Variants in AP4E1 observed in about 807,000 individuals in gnomAD.
AP4E1 encodes adaptor related protein complex 4 subunit epsilon 1, also known as AP-4 complex subunit epsilon-1.
A neutral mutation model predicts 128.2 loss-of-function variants in AP4E1; 56 were observed. The ratio of observed to expected loss-of-function variants is 0.44; its 90% confidence interval spans 0.35 to 0.55. The LOEUF (loss-of-function observed/expected upper bound fraction) is 0.55, where lower values mean the gene tolerates loss of function less well. AP4E1 is among the 20% of genes least tolerant of loss of function. AP4E1 has a pLI of 0.00. For missense variants in AP4E1, 1,324 were observed against 1,307.7 expected (o/e 1.01, Z -0.19); for synonymous variants, 484 against 473.1 (o/e 1.02, Z -0.30).
At chr15:50,949,739 T>C in intron 11 of AP4E1, 87 bp from the exon 12 acceptor site, 2 of 1,018,440 alleles carry the variant, frequency 2.0e-6, no homozygotes, top group Admixed American at 3.5e-5. Context: ...TAGGATGAAT[T>C]GGGGTTATTT....
At chr15:50,951,788 G>A (rs1000163439) in intron 13 of AP4E1, among the ~76,000 whole-genome samples, 2 of 144,576 alleles carry the variant, frequency 1.4e-5, no homozygotes, top group African/African-American at 2.6e-5. Flanking sequence ...GTGCAGTGGC[G>A]TGAACTCAGC....
chr15:50,957,067 C>T (rs1298088368), intron 13 of AP4E1, among the ~76,000 whole-genome samples: 1 of 152,184 alleles, frequency 6.6e-6, no homozygotes, highest in African/African-American at 2.4e-5. Flanking sequence ...TGTTACAGTG[C>T]TCTTTTAGCT....
chr15:50,982,976 T>TA (rs1394196373), intron 15 of AP4E1, among the ~76,000 whole-genome samples: 23 of 152,218 alleles, frequency 1.5e-4, no homozygotes, highest in Admixed American at 6.5e-5. Context: ...AGATACTTTT[T>TA]ATGATTTAAA....
At chr15:50,914,554 A>C (rs1260432439) in intron 2 of AP4E1, among the ~76,000 whole-genome samples, 1 of 151,158 alleles carries the variant, frequency 6.6e-6, no homozygotes, top group East Asian at 2.0e-4. Context: ...GAGAGGCTGA[A>C]GCATGAGAAT....
intron 15 of AP4E1, among the ~76,000 whole-genome samples, chr15:50,972,812 T>G (rs2064499127): frequency 6.6e-6 from 1 of 152,158 alleles, no homozygotes; most frequent in Non-Finnish European, 1.5e-5. Flanking sequence ...ATGATGTGGG[T>G]GCAAGGCTGT....
intron 16 of AP4E1, 77 bp from the exon 17 acceptor site, chr15:50,993,293 G>A (rs2064827041): frequency 6.6e-7 from 1 of 1,508,244 alleles, no homozygotes; most frequent in Non-Finnish European, 9.2e-7. Context: ...GCATTGATAT[G>A]TTTTGAAAGA....
At chr15:50,935,234 C>G (rs1056123554) in intron 8 of AP4E1, among the ~76,000 whole-genome samples, 5 of 151,836 alleles carry the variant, frequency 3.3e-5, no homozygotes, top group Non-Finnish European at 5.9e-5. Flanking sequence ...AATATAGCAG[C>G]TAGTCTTAGG....
chr15:50,959,319 A>G (rs1431118441), intron 14 of AP4E1, among the ~76,000 whole-genome samples: 1 of 152,202 alleles, frequency 6.6e-6, no homozygotes, highest in African/African-American at 2.4e-5. Flanking sequence ...AGCAAGAGAA[A>G]AGTATCAAGT....
At chr15:50,944,854 A>G (rs1245834492) in intron 10 of AP4E1, 1 of 767,782 alleles carries the variant, frequency 1.3e-6, no homozygotes. Flanking sequence ...CTGGATGGTC[A>G]CCAAGATGGA....
intron 3 of AP4E1, among the ~76,000 whole-genome samples, chr15:50,919,206 G>A (rs1387512936): frequency 6.7e-6 from 1 of 150,352 alleles, no homozygotes; most frequent in East Asian, 2.0e-4. Context: ...CTCCAGCCTG[G>A]GTAACAGAGT....
intron 11 of AP4E1, 98 bp from the exon 12 acceptor site, chr15:50,949,728 C>G (rs1250474938): frequency 1.1e-6 from 1 of 929,484 alleles, no homozygotes; most frequent in South Asian, 1.3e-5. Flanking sequence ...AACTGCCATA[C>G]TAGGATGAAT....
chr15:50,917,742 G>T (rs1470025962), intron 3 of AP4E1, among the ~76,000 whole-genome samples: 1 of 152,150 alleles, frequency 6.6e-6, no homozygotes, highest in Non-Finnish European at 1.5e-5. Context: ...ACTTACAGAT[G>T]AATAACTTAC....
At chr15:50,944,464 A>G (rs2064030135) in intron 10 of AP4E1, among the ~76,000 whole-genome samples, 1 of 152,224 alleles carries the variant, frequency 6.6e-6, no homozygotes, top group Non-Finnish European at 1.5e-5. Context: ...ATCTAAAACT[A>G]TATAACATAA....
intron 15 of AP4E1, among the ~76,000 whole-genome samples, chr15:50,975,621 A>G (rs1383886347): frequency 1.3e-5 from 2 of 151,816 alleles, no homozygotes; most frequent in Non-Finnish European, 2.9e-5. Context: ...GCTTGGATTT[A>G]TTTCTGGGCT....
chr15:50,996,089 A>T (rs1007517412), intron 17 of AP4E1, among the ~76,000 whole-genome samples: 27 of 148,726 alleles, frequency 1.8e-4, no homozygotes, highest in African/African-American at 6.5e-4. Context: ...CCCAAGTTCA[A>T]GCAATTCTCC....
rs1032087501 is a variant in AP4E1 at position 50,938,162 on chromosome 15, C to T, written c.944-3280C>T. ...CTCAGGACACAAGGAAAGAAACAGA[C>T]ACGGTGGTGTGTACCCTGGGTTTTC... is the stretch of plus-strand genomic sequence containing the variant. On this transcript the variant is annotated intron_variant, in intron 8 of 20. Transcript: ENST00000261842. Among the ~76,000 whole-genome samples the T allele has an allele frequency of 2.6e-5, 4 of 151,998 alleles. No individual in the cohort carries two copies. In the East Asian group the frequency reaches 5.8e-4, roughly 22 times the overall value.
Position 50,949,948 on chromosome 15 carries a change from CTATTA to C in AP4E1, c.1429+15_1429+19del. ...AGACTACTAGCGGAAGGTTGGTACA[CTATTA>C]TATTCTGTAAAGTAAACATTTTAAA... On this transcript the variant is annotated intron_variant, in intron 12 of 20. Coordinates refer to ENST00000261842, the MANE Select transcript of AP4E1 (RefSeq NM_007347.5). The C allele has an allele frequency of 1.2e-6, 2 of 1,601,144 alleles. No homozygotes were observed. The highest frequency in any genetic ancestry group is 2.2e-5 in the East Asian group (1 of 44,696).
chr15:50,986,943 T>G (rs1376676923), intron 16 of AP4E1, among the ~76,000 whole-genome samples: 1 of 152,152 alleles, frequency 6.6e-6, no homozygotes, highest in Non-Finnish European at 1.5e-5. Context: ...GGTCCTGGAC[T>G]TTTTTTGGTT....
intron 17 of AP4E1, 116 bp downstream of exon 17, chr15:50,993,741 A>G (rs1294262838): frequency 1.6e-6 from 2 of 1,239,054 alleles, no homozygotes; most frequent in African/African-American, 1.5e-5. Flanking sequence ...TGGCTTCCCC[A>G]GTTCTTACTC....
Sources: allele counts gnomAD v4.1 joint callset (sites outside exome capture counted in the v4.1 genomes callset), GRCh38; gene constraint gnomAD v4.1.1; transcripts MANE v1.5; gene names NCBI Gene and HGNC (gene_info 2026-07-23, HGNC 2026-07-21).